Variants in EPN2 observed in about 807,000 individuals in gnomAD.
The protein encoded by EPN2 is epsin-2.
In EPN2, 34 loss-of-function variants were observed where a neutral mutation model predicts 61.7. That is an observed-to-expected ratio of 0.55 (90% confidence interval 0.42 to 0.73). The LOEUF (loss-of-function observed/expected upper bound fraction) is 0.73. Ranked by LOEUF, EPN2 falls within the 30% of genes least tolerant of loss-of-function variation. The pLI is 0.00. For missense variants in EPN2, 714 were observed against 839.2 expected (o/e 0.85, Z 1.84); for synonymous variants, 349 against 353.6 (o/e 0.99, Z 0.15).
At chr17:19,308,962 G>T (rs1323950824) in intron 4 of EPN2, among the ~76,000 whole-genome samples, 1 of 150,880 alleles carries the variant, frequency 6.6e-6, no homozygotes, top group Non-Finnish European at 1.5e-5. Context: ...TCCAGGAGCT[G>T]CTTAGAAGTA....
chr17:19,328,746 G>T lies in EPN2; in HGVS notation c.1183G>T (p.Val395Leu), dbSNP rs756927861. ...KPAASIDPWG[V>L]PTGATVQSVP... is the part of the protein sequence containing the mutation. ...AGCTGCCTCCATTGACCCATGGGGG[G>T]TGCCCACTGGAGCCACCGTACAATC... Residue 395 changes from valine to leucine, a missense_variant, in exon 8 of 11, where the codon GTG (valine) becomes TTG (leucine). By Grantham distance (32) the Val-to-Leu change is conservative. Around this residue, in one of 2 missense-constraint regions of EPN2, gnomAD observed 410 missense variants for 421.8 expected, o/e 0.97. Coordinates refer to ENST00000314728, the MANE Select transcript of EPN2 (RefSeq NM_014964.5). 4.3e-6 allele frequency: 7 copies of T among 1,612,784 alleles called. No homozygotes were observed. Among genetic ancestry groups the T allele is most frequent in the African/African-American group, 1.3e-5 (1 of 74,888 alleles).
chr17:19,253,617 T>C (rs1382520338), intron 1 of EPN2, among the ~76,000 whole-genome samples: 1 of 152,074 alleles, frequency 6.6e-6, no homozygotes, highest in Non-Finnish European at 1.5e-5. Context: ...CAGGCTGGTC[T>C]CGAACTTCTA....
rs1165466468 is a variant in EPN2 at position 19,283,860 on chromosome 17, T to A, written c.595+146T>A. 4.7e-6 allele frequency: 3 copies of A among 642,254 alleles called. No homozygotes were observed. In the East Asian group the frequency reaches 8.3e-5, roughly 18 times the overall value. The allele number at this position is 642,254 out of a possible 1,614,324, so 39.8% of individuals were successfully genotyped here. A position where few individuals can be genotyped will look rare whatever the true frequency, so the allele number is the denominator to read the frequency against. On this transcript the variant is annotated intron_variant, in intron 3 of 10. Coordinates refer to ENST00000314728, the MANE Select transcript of EPN2 (RefSeq NM_014964.5). The surrounding 1 kb of genome is among the most constrained non-coding windows in gnomAD (Gnocchi z 7.0). ...CCCAGCTTTTGGTGGCCCAGGCAAA[T>A]TGTCCTTGGTCTGGATTGAGTTTTG...
chr17:19,317,654 T>A (rs1287280120), intron 7 of EPN2, among the ~76,000 whole-genome samples: 2 of 152,230 alleles, frequency 1.3e-5, no homozygotes, highest in African/African-American at 4.8e-5. Flanking sequence ...CTGCTTGATC[T>A]TTCAAACCTT....
At chr17:19,267,420 A>G (rs902898596) in intron 1 of EPN2, among the ~76,000 whole-genome samples, 1 of 152,204 alleles carries the variant, frequency 6.6e-6, no homozygotes. Context: ...AAACAAAACA[A>G]AAAGATCCCC....
chr17:19,289,074 GTTTTTTT>G (rs1162172422), intron 4 of EPN2, among the ~76,000 whole-genome samples: 3 of 68,688 alleles, frequency 4.4e-5, no homozygotes, highest in Non-Finnish European at 7.6e-5. Context: ...TTCTGGGTAT[GTTTTTTT>G]TTTTTTTTTT....
At chr17:19,302,746 C>T (rs186483699) in intron 4 of EPN2, among the ~76,000 whole-genome samples, 24 of 152,350 alleles carry the variant, frequency 1.6e-4, no homozygotes, top group South Asian at 1.0e-3. Context: ...CACCCCTGGC[C>T]GTGGAAAAAT....
intron 7 of EPN2, among the ~76,000 whole-genome samples, chr17:19,325,565 A>G (rs1279643147): frequency 2.0e-5 from 3 of 152,240 alleles, no homozygotes; most frequent in Admixed American, 1.3e-4. Context: ...GAATAATGGC[A>G]AACTTCCATA....
chr17:19,307,607 T>G (rs1905912530), intron 4 of EPN2, among the ~76,000 whole-genome samples: 1 of 152,244 alleles, frequency 6.6e-6, no homozygotes, highest in Admixed American at 6.5e-5. Flanking sequence ...CATCCCGAAG[T>G]GCTGGGATTA....
intron 1 of EPN2, among the ~76,000 whole-genome samples, chr17:19,244,174 T>G (rs1652806880): frequency 6.6e-6 from 1 of 152,126 alleles, no homozygotes; most frequent in Non-Finnish European, 1.5e-5. Context: ...GAATTGTAAC[T>G]TGGGGGCTGG....
chr17:19,334,179 G>C lies in EPN2; in HGVS notation c.1851G>C (p.Met617Ile), dbSNP rs1340696399. 1 of 1,580,880 alleles carries C rather than the reference G, an allele frequency of 6.3e-7. No individual in the cohort carries two copies. The highest frequency in any genetic ancestry group is 8.6e-7 in the Non-Finnish European group (1 of 1,160,052). ...SSLTPLGPAM[M>I]NMVGSVGIPP... The stretch of plus-strand genomic sequence containing the variant: ...TGACACCACTGGGCCCTGCAATGAT[G>C]AACATGGTGGGCAGTGTGGGTATAC... The change falls in exon 11 of 11, where the codon ATG becomes ATC. Residue 617 changes from methionine (M) to isoleucine (I), a missense_variant. Coordinates refer to ENST00000314728, the MANE Select transcript of EPN2 (RefSeq NM_014964.5). The surrounding 1 kb of genome is among the most constrained non-coding windows in gnomAD (Gnocchi z 4.9).
chr17:19,263,897 A>G (rs1203359532), intron 1 of EPN2, among the ~76,000 whole-genome samples: 3 of 147,176 alleles, frequency 2.0e-5, no homozygotes, highest in Non-Finnish European at 4.5e-5. Flanking sequence ...TGAAGGAAAG[A>G]GGGGGGCTGG....
intron 4 of EPN2, among the ~76,000 whole-genome samples, chr17:19,298,057 G>C (rs745802526): frequency 2.0e-5 from 3 of 151,908 alleles, no homozygotes; most frequent in African/African-American, 7.3e-5. Flanking sequence ...TGTATTTTTA[G>C]TAGAGATGGG....
chr17:19,336,309 T>C lies in EPN2; in HGVS notation c.*2055T>C, dbSNP rs1907440363. 1 of 152,234 alleles carries C rather than the reference T, an allele frequency of 6.6e-6. No individual in the cohort carries two copies. Among genetic ancestry groups the C allele is most frequent in the Admixed American group, 6.5e-5 (1 of 15,276 alleles). The allele number at this position is 152,234 out of a possible 1,614,324, so 9.4% of individuals were successfully genotyped here. ...CAGGATGCTTGCCCAGAAAGGTGCT[T>C]TCCTTCAGACGGTGCAGGGCCTGGG... On this transcript the variant is annotated 3_prime_UTR_variant, in exon 11 of 11. Coordinates refer to ENST00000314728, the MANE Select transcript of EPN2 (RefSeq NM_014964.5).
intron 4 of EPN2, among the ~76,000 whole-genome samples, chr17:19,302,014 T>C (rs1277656713): frequency 3.3e-5 from 5 of 152,348 alleles, no homozygotes; most frequent in African/African-American, 1.2e-4. Context: ...CCTGGGCGGC[T>C]GTGAGCCGCA....
chr17:19,319,072 C>T lies in EPN2; in HGVS notation c.1147+5793C>T, dbSNP rs1431653303. 2.6e-5 allele frequency among the ~76,000 whole-genome samples: 4 copies of T among 151,866 alleles called. No individual in the cohort carries two copies. The East Asian group carries it at 7.9e-4, about 30-fold the overall frequency. ...AATTAGCCAGGTGTGGTGGTGTGTG[C>T]CTGTAATCCCAGCTACTTGGGAACC... On this transcript the variant is annotated intron_variant, in intron 7 of 10. Transcript: ENST00000314728.
chr17:19,255,970 G>C (rs1008649157), intron 1 of EPN2, among the ~76,000 whole-genome samples: 1 of 151,530 alleles, frequency 6.6e-6, no homozygotes, highest in Non-Finnish European at 1.5e-5. Flanking sequence ...CGGAGTCTTG[G>C]TCTGTTACCC....
chr17:19,291,987 T>A (rs556105965), intron 4 of EPN2, among the ~76,000 whole-genome samples: 2 of 152,254 alleles, frequency 1.3e-5, no homozygotes, highest in African/African-American at 4.8e-5. Context: ...ACCAGACATG[T>A]ACACACAAAG....
chr17:19,316,807 C>T (rs1239555608), intron 7 of EPN2, among the ~76,000 whole-genome samples: 1 of 152,202 alleles, frequency 6.6e-6, no homozygotes, highest in Non-Finnish European at 1.5e-5. Context: ...AGTTCTGGCA[C>T]TCTGCTTTCA....
Sources: allele counts gnomAD v4.1 joint callset (sites outside exome capture counted in the v4.1 genomes callset), GRCh38; gene constraint gnomAD v4.1.1; regional missense constraint gnomAD v4.1.1; non-coding constraint Gnocchi (gnomAD v3.1); transcripts MANE v1.5; gene names NCBI Gene and HGNC (gene_info 2026-07-23, HGNC 2026-07-21).